Variants in PFKFB3 observed in about 807,000 individuals in gnomAD.
PFKFB3 encodes 6-phosphofructo-2-kinase/fructose-2,6-biphosphatase 3.
PFKFB3 carries 33 observed loss-of-function variants against 68.0 expected under a neutral mutation model. The observed-to-expected ratio is 0.49, with a 90% CI of 0.37 to 0.65. The LOEUF (loss-of-function observed/expected upper bound fraction) is 0.65. PFKFB3 is among the 30% of genes least tolerant of loss of function. PFKFB3 has a pLI of 0.00. For missense variants in PFKFB3, 586 were observed against 712.2 expected (o/e 0.82, Z 2.02); for synonymous variants, 315 against 288.2 (o/e 1.09, Z -0.94).
chr10:6,221,766 G>C (rs765759425), intron 10 of PFKFB3, 21 bp downstream of exon 10: 1 of 1,518,884 alleles, frequency 6.6e-7, no homozygotes, highest in South Asian at 1.2e-5. Context: ...GCTGGGGCGG[G>C]CTGACGGTCC....
At chr10:6,253,775 C>T (rs1846434094) in intron 14 of PFKFB3, among the ~76,000 whole-genome samples, 1 of 152,152 alleles carries the variant, frequency 6.6e-6, no homozygotes, top group Non-Finnish European at 1.5e-5. Context: ...GGCACGGTGG[C>T]TCACGCCTGT....
chr10:6,281,522 T>C, the PFKFB3 span, among the ~76,000 whole-genome samples: 4 of 152,180 alleles, frequency 2.6e-5, no homozygotes, highest in Non-Finnish European at 5.9e-5. Context: ...GCATCTTCCA[T>C]AGAGGCTCAG....
intron 14 of PFKFB3, among the ~76,000 whole-genome samples, chr10:6,244,293 A>T (rs1190745054): frequency 6.6e-6 from 1 of 152,198 alleles, no homozygotes; most frequent in Non-Finnish European, 1.5e-5. Context: ...GGAAACACGA[A>T]GTGAAGGCCA....
chr10:6,184,367 A>G (rs1842813225), intron 1 of PFKFB3, among the ~76,000 whole-genome samples: 1 of 151,856 alleles, frequency 6.6e-6, no homozygotes, highest in Non-Finnish European at 1.5e-5. Flanking sequence ...GAAGCTTTTT[A>G]AACATTGCAC....
intron 2 of PFKFB3, among the ~76,000 whole-genome samples, chr10:6,214,925 C>G (rs757809932): frequency 2.6e-5 from 4 of 152,228 alleles, no homozygotes; most frequent in Non-Finnish European, 4.4e-5. Flanking sequence ...CAGTCTCAGT[C>G]TCTGGTTTAG....
chr10:6,172,087 C>T (rs1448633901), intron 1 of PFKFB3, among the ~76,000 whole-genome samples: 1 of 152,230 alleles, frequency 6.6e-6, no homozygotes, highest in East Asian at 1.9e-4. Context: ...GATACTCTGA[C>T]GCATTCTCCC....
At chr10:6,221,831 C>T in intron 10 of PFKFB3, 86 bp downstream of exon 10, 1 of 894,334 alleles carries the variant, frequency 1.1e-6, no homozygotes, top group Non-Finnish European at 1.7e-6. Context: ...AGGGAGTTCA[C>T]TTCCGTGTGG....
intron 2 of PFKFB3, 25 bp downstream of exon 2, chr10:6,213,773 C>T (rs376200593): frequency 5.1e-5 from 82 of 1,606,018 alleles, no homozygotes; most frequent in Non-Finnish European, 6.5e-5. Flanking sequence ...CGAGGCCGGA[C>T]CCCTGCTCGT....
At chr10:6,204,309 G>A (rs528701476) in intron 1 of PFKFB3, among the ~76,000 whole-genome samples, 2 of 152,390 alleles carry the variant, frequency 1.3e-5, no homozygotes, top group East Asian at 1.9e-4. Context: ...CCCAGGTCAG[G>A]TCGTAGCCTG....
chr10:6,226,635 C>T (rs908080959), intron 14 of PFKFB3, among the ~76,000 whole-genome samples: 1 of 152,202 alleles, frequency 6.6e-6, no homozygotes, highest in Non-Finnish European at 1.5e-5. Flanking sequence ...CGCCTCCTTT[C>T]TGAGGATGGG....
the PFKFB3 span, among the ~76,000 whole-genome samples, chr10:6,307,220 C>T: frequency 2.0e-5 from 3 of 152,212 alleles, no homozygotes; most frequent in African/African-American, 7.2e-5. Context: ...GGCTGAGGCT[C>T]ACGTTGCAGA....
downstream of PFKFB3, among the ~76,000 whole-genome samples, chr10:6,235,762 C>CT (rs1049206466): frequency 2.3e-5 from 3 of 129,110 alleles, no homozygotes; most frequent in East Asian, 2.2e-4. Flanking sequence ...TAATTTTTTT[C>CT]TTTTTTTTCT....
the PFKFB3 span, among the ~76,000 whole-genome samples, chr10:6,319,052 T>C: frequency 1.3e-5 from 2 of 152,236 alleles, no homozygotes; most frequent in Non-Finnish European, 2.9e-5. Flanking sequence ...AGGAAGACTT[T>C]GATAAATATT....
At chr10:6,239,031 C>T (rs927655408), downstream of PFKFB3, among the ~76,000 whole-genome samples, 8 of 152,084 alleles carry the variant, frequency 5.3e-5, no homozygotes, top group South Asian at 6.2e-4. Context: ...AATGAACATA[C>T]GCGTGCATGT....
At chr10:6,277,496 C>T in the PFKFB3 span, among the ~76,000 whole-genome samples, 3 of 152,308 alleles carry the variant, frequency 2.0e-5, no homozygotes, top group East Asian at 3.9e-4. Flanking sequence ...GCTGGGATTA[C>T]AGGTGTGAGC....
intron 1 of PFKFB3, among the ~76,000 whole-genome samples, chr10:6,186,950 C>G (rs1380474917): frequency 6.6e-6 from 1 of 152,160 alleles, no homozygotes; most frequent in Non-Finnish European, 1.5e-5. Flanking sequence ...AGGCAGTTGC[C>G]CAGCTCAGAG....
intron 1 of PFKFB3, among the ~76,000 whole-genome samples, chr10:6,147,790 C>CGGGGTGGTCCATACAGGGGATCCTGAT (rs1432447063): frequency 1.1e-4 from 16 of 151,774 alleles, no homozygotes; most frequent in Admixed American, 3.3e-4. Context: ...GGGGACCTGA[C>CGGGGTGGTCCATACAGGGGATCCTGAT]GGGGTGGTCC....
the PFKFB3 span, among the ~76,000 whole-genome samples, chr10:6,297,448 A>T: frequency 2.6e-5 from 4 of 152,000 alleles, no homozygotes; most frequent in African/African-American, 9.7e-5. Context: ...GCTGCTTCAG[A>T]GCCCAGGTAA....
In PFKFB3 at chr10:6,229,493, G is replaced by A. The variant is rs1385957305; in HGVS notation, c.1515+3128G>A. ...TGTGACCCGCAAGGCATGGGCAGCT[G>A]TTGGACCCTCGTGTACCCCCACAGC... On this transcript the variant is annotated intron_variant, in intron 14 of 14. Coordinates refer to ENST00000379775, the MANE Select transcript of PFKFB3 (RefSeq NM_004566.4). The surrounding 1 kb of genome is among the most constrained non-coding windows in gnomAD (Gnocchi z 4.3). Among the ~76,000 whole-genome samples the A allele has an allele frequency of 6.6e-6, 1 of 152,206 alleles. No individual in the cohort carries two copies. The highest frequency in any genetic ancestry group is 6.5e-5 in the Admixed American group (1 of 15,286).
Sources: gnomAD v4.1 joint callset for allele counts (sites outside exome capture counted in the v4.1 genomes callset) on GRCh38, gnomAD v4.1.1 for gene constraint, Gnocchi (gnomAD v3.1) non-coding constraint, MANE v1.5 for transcripts, NCBI Gene and HGNC (gene_info 2026-07-23, HGNC 2026-07-21) for gene names.